Variants in GRID2 observed in about 807,000 individuals in gnomAD.
The protein encoded by GRID2 is glutamate receptor ionotropic, delta-2.
Under a neutral mutation model 114.8 loss-of-function variants are expected in GRID2, and 33 were observed. The observed-to-expected ratio is 0.29, with a 90% CI of 0.22 to 0.38. GRID2 has a LOEUF of 0.38. GRID2 is among the 10% of genes least tolerant of loss of function. GRID2 has a pLI of 1.00. For synonymous variants in GRID2, 505 were observed against 449.9 expected, an observed-to-expected ratio of 1.12 and a Z score of -1.55; for missense variants, 1,184 against 1,257.7, an observed-to-expected ratio of 0.94 and a Z score of 0.89.
intron 4 of GRID2, among the ~76,000 whole-genome samples, chr4:93,114,355 C>G (rs1460045156): frequency 6.6e-6 from 1 of 152,148 alleles, no homozygotes; most frequent in Admixed American, 6.6e-5. Flanking sequence ...GTCCCCCAAC[C>G]TTGACCCTGA....
intron 6 of GRID2, among the ~76,000 whole-genome samples, chr4:93,221,759 A>G (rs931636611): frequency 2.0e-5 from 3 of 152,176 alleles, no homozygotes; most frequent in Non-Finnish European, 4.4e-5. Context: ...AAAGTGTCAG[A>G]TTAGGAGGGG....
chr4:93,040,988 C>A (rs1725463417), intron 2 of GRID2, among the ~76,000 whole-genome samples: 1 of 151,900 alleles, frequency 6.6e-6, no homozygotes, highest in African/African-American at 2.4e-5. Context: ...AAACCTGAAA[C>A]TGTAAAATAA....
chr4:93,692,743 T>C (rs1578585025), intron 14 of GRID2, among the ~76,000 whole-genome samples: 1 of 152,302 alleles, frequency 6.6e-6, no homozygotes, highest in East Asian at 1.9e-4. Flanking sequence ...TCTAGCACAG[T>C]AATGACGTAC....
At chr4:93,534,827 C>G (rs1461203200) in intron 13 of GRID2, among the ~76,000 whole-genome samples, 1 of 150,912 alleles carries the variant, frequency 6.6e-6, no homozygotes, top group East Asian at 1.9e-4. Flanking sequence ...ACTAACACAC[C>G]CATCACCTCA....
chr4:93,455,815 C>A lies in GRID2; in HGVS notation c.1699C>A (p.Leu567Ile). 6.2e-7 allele frequency: 1 copy of A among 1,613,626 alleles called. No individual in the cohort carries two copies. Among genetic ancestry groups the A allele is most frequent in the Non-Finnish European group, 8.5e-7 (1 of 1,179,622 alleles). The change falls in exon 11 of 16, where the codon CTC (leucine) becomes ATC (isoleucine). Residue 567 changes from leucine (L) to isoleucine (I), a missense_variant. By Grantham distance (5) the Leu-to-Ile change is conservative (BLOSUM62 2). Around this residue, in one of 3 missense-constraint regions of GRID2, gnomAD observed 717 missense variants for 796.9 expected, o/e 0.90. Coordinates refer to ENST00000282020, the MANE Select transcript of GRID2 (RefSeq NM_001510.4). ...GTTTGCCTGTCTTGCACCATTTGATCTCTCTCTATGGGCTTGCATTGCTGG... is the reference window on the plus strand; with the variant it reads ...GTTTGCCTGTCTTGCACCATTTGATATCTCTCTATGGGCTTGCATTGCTGG... ...DMFACLAPFD[L>I]SLWACIAGTV...
chr4:92,774,638 A>G lies in GRID2; in HGVS notation c.244+184352A>G, dbSNP rs1045216300. 7.6e-5 allele frequency among the ~76,000 whole-genome samples: 10 copies of G among 132,286 alleles called. No homozygotes were observed. In the South Asian group the frequency reaches 2.3e-3, roughly 31 times the overall value. The allele number at this position is 132,286 out of a possible 152,430, so 86.8% of individuals were successfully genotyped here. A position where few individuals can be genotyped will look rare whatever the true frequency, so the allele number is the denominator to read the frequency against. On this transcript the variant is annotated intron_variant, in intron 2 of 15. Coordinates refer to ENST00000282020, the MANE Select transcript of GRID2 (RefSeq NM_001510.4). Reference sequence around the variant, plus strand: ...CACTCTGTCACCCAGGCTGAAGTGCAGTGCAGTGGTGCAGTGGTGCAATCA... The same window carrying G: ...CACTCTGTCACCCAGGCTGAAGTGCGGTGCAGTGGTGCAGTGGTGCAATCA...
chr4:92,659,679 G>T (rs1732426501), intron 2 of GRID2, among the ~76,000 whole-genome samples: 1 of 151,452 alleles, frequency 6.6e-6, no homozygotes. Context: ...TGGGGGGAAA[G>T]TAAGTTATAC....
At chr4:93,720,286 AAAG>A (rs1222653768) in intron 14 of GRID2, among the ~76,000 whole-genome samples, 1 of 152,190 alleles carries the variant, frequency 6.6e-6, no homozygotes, top group Non-Finnish European at 1.5e-5. Flanking sequence ...GCAATATTAA[AAAG>A]AATAGGAAAC....
At chr4:93,151,020 T>C (rs1045369788) in intron 4 of GRID2, among the ~76,000 whole-genome samples, 6 of 149,010 alleles carry the variant, frequency 4.0e-5, no homozygotes, top group African/African-American at 1.2e-4. Flanking sequence ...TCCTAGCTAC[T>C]TGGGAGGCTG....
intron 8 of GRID2, among the ~76,000 whole-genome samples, chr4:93,294,414 A>G (rs1007881166): frequency 1.3e-5 from 2 of 152,218 alleles, no homozygotes; most frequent in Non-Finnish European, 2.9e-5. Context: ...TAACTAGCCT[A>G]TGGAGAATAA....
intron 14 of GRID2, among the ~76,000 whole-genome samples, chr4:93,662,019 C>A (rs115503484): frequency 6.6e-6 from 1 of 152,192 alleles, no homozygotes; most frequent in Non-Finnish European, 1.5e-5. Context: ...TCCATTCCCC[C>A]CAACCCTTGC....
intron 2 of GRID2, among the ~76,000 whole-genome samples, chr4:92,961,023 G>A (rs1313256265): frequency 6.6e-6 from 1 of 151,814 alleles, no homozygotes; most frequent in Non-Finnish European, 1.5e-5. Flanking sequence ...CATAGGTAGT[G>A]CAGGTACCTT....
At chr4:93,614,771 G>C (rs1024155887) in intron 13 of GRID2, among the ~76,000 whole-genome samples, 1 of 152,088 alleles carries the variant, frequency 6.6e-6, no homozygotes, top group Non-Finnish European at 1.5e-5. Flanking sequence ...TACATTTGTA[G>C]TGTGTATTTA....
At chr4:92,723,368 T>G (rs868691457) in intron 2 of GRID2, among the ~76,000 whole-genome samples, 2 of 152,272 alleles carry the variant, frequency 1.3e-5, no homozygotes, top group Middle Eastern at 3.4e-3. Flanking sequence ...CAGTTAAAAT[T>G]TGTCCATCTG....
At chr4:92,985,074 C>G (rs1381509774) in intron 2 of GRID2, among the ~76,000 whole-genome samples, 4 of 152,018 alleles carry the variant, frequency 2.6e-5, no homozygotes. Context: ...GAGACTGTAA[C>G]AACAGCCTGA....
chr4:92,786,521 T>C (rs569603780), intron 2 of GRID2, among the ~76,000 whole-genome samples: 3 of 151,876 alleles, frequency 2.0e-5, no homozygotes, highest in East Asian at 3.9e-4. Flanking sequence ...ACATAAATGA[T>C]TGGGAAGAAA....
At chr4:92,764,214 G>A (rs963792937) in intron 2 of GRID2, among the ~76,000 whole-genome samples, 1 of 152,160 alleles carries the variant, frequency 6.6e-6, no homozygotes, top group Non-Finnish European at 1.5e-5. Flanking sequence ...CATGGTTGGA[G>A]GGAGGCTGGC....
intron 1 of GRID2, among the ~76,000 whole-genome samples, chr4:92,533,202 T>TG (rs1560693745): frequency 2.7e-4 from 40 of 146,932 alleles, no homozygotes; most frequent in South Asian, 8.6e-4. Flanking sequence ...GTTTTTTTTG[T>TG]TTTTTTTTTG....
intron 14 of GRID2, among the ~76,000 whole-genome samples, chr4:93,733,531 T>C (rs1335931917): frequency 6.6e-6 from 1 of 152,158 alleles, no homozygotes; most frequent in Non-Finnish European, 1.5e-5. Flanking sequence ...ATGGAAATAA[T>C]AGGCATTCAG....
Sources: gnomAD v4.1 joint callset for allele counts (sites outside exome capture counted in the v4.1 genomes callset) on GRCh38, gnomAD v4.1.1 for gene constraint, gnomAD v4.1.1 regional missense constraint, MANE v1.5 for transcripts, NCBI Gene and HGNC (gene_info 2026-07-23, HGNC 2026-07-21) for gene names.